F13A1: variants seen among roughly 807,000 people sequenced by gnomAD.
F13A1 encodes coagulation factor XIII A chain.
Under a neutral mutation model 80.1 loss-of-function variants are expected in F13A1, and 47 were observed. That is an observed-to-expected ratio of 0.59 (90% CI 0.46 to 0.75). The LOEUF is 0.75. Ranked by LOEUF, F13A1 falls within the 30% of genes least tolerant of loss-of-function variation. F13A1 has a pLI of 0.00. For synonymous variants in F13A1, 349 were observed against 344.9 expected, an observed-to-expected ratio of 1.01 and a Z score of -0.13; for missense variants, 817 against 930.4, an observed-to-expected ratio of 0.88 and a Z score of 1.59.
At chr6:6,173,404 C>CT (rs1401906503) in intron 12 of F13A1, among the ~76,000 whole-genome samples, 22,661 of 143,286 alleles carry the variant, frequency 0.16, 2,148 homozygotes, top group Middle Eastern at 0.18. Flanking sequence ...AGCCTCCATT[C>CT]TTTTCTTTTT....
At chr6:6,161,551 T>TGTGTGTGTGTGTGTGTGTGTGTGTGAGA (rs1010361754) in intron 13 of F13A1, among the ~76,000 whole-genome samples, 1 of 146,282 alleles carries the variant, frequency 6.8e-6, no homozygotes, top group Admixed American at 6.8e-5. Context: ...TGTGTGTGTG[T>TGTGTGTGTGTGTGTGTGTGTGTGTGAGA]GAGAGAGAGA....
chr6:6,264,958 G>T (rs1757824006), intron 4 of F13A1, among the ~76,000 whole-genome samples: 1 of 152,110 alleles, frequency 6.6e-6, no homozygotes, highest in African/African-American at 2.4e-5. Context: ...AACACTAGTG[G>T]AACAGGTAAT....
At chr6:6,190,500 T>A (rs34734835) in intron 10 of F13A1, among the ~76,000 whole-genome samples, 1 of 144,746 alleles carries the variant, frequency 6.9e-6, no homozygotes, top group African/African-American at 2.5e-5. Flanking sequence ...GTGTCAGTGT[T>A]CCCCTGCTGG....
intron 11 of F13A1, among the ~76,000 whole-genome samples, chr6:6,179,768 G>A (rs1042417314): frequency 5.6e-4 from 85 of 152,102 alleles, no homozygotes; most frequent in Non-Finnish European, 3.4e-4. Context: ...TCTTCTAGTT[G>A]GACCAGACCT....
At chr6:6,169,009 G>T (rs1471688716) in intron 12 of F13A1, among the ~76,000 whole-genome samples, 1 of 152,204 alleles carries the variant, frequency 6.6e-6, no homozygotes, top group Non-Finnish European at 1.5e-5. Context: ...GCTGTGCCTT[G>T]CTTCCAGGAC....
Position 6,151,829 on chromosome 6 carries a change from T to C in F13A1, c.2029A>G (p.Met677Val), listed in dbSNP as rs371964182. Residue 677 changes from methionine to valine, a missense_variant, in exon 14 of 15, where the codon ATG becomes GTG. Met to Val is a conservative substitution (Grantham distance 21). Transcript: ENST00000264870. Reference protein sequence around the residue: ...HLDGPGVTRPMKKMFREIRPN... With the variant: ...HLDGPGVTRPVKKMFREIRPN... ...AAGGTTTACCGGAACATCTTCTTCATTGGTCTTGTTACTCCAGGACCATCC... is the reference window on the plus strand; with the variant it reads ...AAGGTTTACCGGAACATCTTCTTCACTGGTCTTGTTACTCCAGGACCATCC... The C allele has an allele frequency of 3.7e-5, 59 of 1,613,998 alleles. No homozygotes were observed. The Middle Eastern group carries it at 4.9e-4, about 13-fold the overall frequency.
chr6:6,151,370 A>T (rs2151068260), intron 14 of F13A1, among the ~76,000 whole-genome samples: 1 of 152,314 alleles, frequency 6.6e-6, no homozygotes, highest in Non-Finnish European at 1.5e-5. Flanking sequence ...AAAAGGGGGT[A>T]TCTCTCAGCA....
intron 4 of F13A1, among the ~76,000 whole-genome samples, chr6:6,257,226 C>T (rs1757714796): frequency 6.6e-6 from 1 of 152,108 alleles, no homozygotes; most frequent in Non-Finnish European, 1.5e-5. Context: ...ATATGTTTTT[C>T]CATCACAAAG....
At chr6:6,221,340 G>T (rs1293072065) in intron 8 of F13A1, among the ~76,000 whole-genome samples, 1 of 152,084 alleles carries the variant, frequency 6.6e-6, no homozygotes, top group African/African-American at 2.4e-5. Flanking sequence ...CCCCACAGCT[G>T]GTTTTGGGGA....
intron 6 of F13A1, among the ~76,000 whole-genome samples, chr6:6,240,947 A>C (rs1029727791): frequency 6.6e-6 from 1 of 152,144 alleles, no homozygotes; most frequent in Non-Finnish European, 1.5e-5. Flanking sequence ...GTAATTTAGT[A>C]CTTTACTCTG....
intron 6 of F13A1, among the ~76,000 whole-genome samples, chr6:6,229,085 T>C (rs1366855390): frequency 6.6e-6 from 1 of 152,218 alleles, no homozygotes; most frequent in East Asian, 1.9e-4. Flanking sequence ...CAAATTGTAG[T>C]TCAGAAGTGA....
At chr6:6,266,439 T>C in intron 4 of F13A1, 119 bp downstream of exon 4, 2 of 1,492,564 alleles carry the variant, frequency 1.3e-6, no homozygotes, top group Non-Finnish European at 1.9e-6. Context: ...CTCAAACTCC[T>C]GGCCTCAAGC....
At chr6:6,298,656 T>C (rs1758369919) in intron 3 of F13A1, among the ~76,000 whole-genome samples, 3 of 149,740 alleles carry the variant, frequency 2.0e-5, no homozygotes, top group African/African-American at 7.7e-5. Context: ...GCATGTGAGA[T>C]GGGTTTCCTG....
rs1288386392 is a variant in F13A1 at position 6,162,122 on chromosome 6, A to G, written c.1908+5336T>C. The stretch of plus-strand genomic sequence containing the variant: ...AGAGCAGAGTTGACAATCATGTTAC[A>G]TTCCCACTCTAGAAACTCCCTTGAA... On this transcript the variant is annotated intron_variant, in intron 13 of 14. Transcript: ENST00000264870. The surrounding 1 kb of genome is among the most constrained non-coding windows in gnomAD (Gnocchi z 4.2). Among the ~76,000 whole-genome samples, 2 of 152,182 alleles carry G rather than the reference A, an allele frequency of 1.3e-5. No homozygotes were observed. Among genetic ancestry groups the G allele is most frequent in the African/African-American group, 4.8e-5 (2 of 41,440 alleles).
chr6:6,190,799 A>T (rs1187091549), intron 10 of F13A1, among the ~76,000 whole-genome samples: 18 of 152,062 alleles, frequency 1.2e-4, no homozygotes, highest in Admixed American at 1.0e-3. Context: ...AAGCCTGGGC[A>T]ATGGTGGGCG....
chr6:6,183,353 G>T (rs1048869210), intron 10 of F13A1, among the ~76,000 whole-genome samples: 5 of 152,150 alleles, frequency 3.3e-5, no homozygotes, highest in African/African-American at 1.2e-4. Flanking sequence ...CTCAGTAAAT[G>T]TTATTGATAA....
intron 8 of F13A1, among the ~76,000 whole-genome samples, chr6:6,197,709 C>A (rs986564952): frequency 2.4e-4 from 37 of 151,522 alleles, no homozygotes; most frequent in African/African-American, 9.0e-4. Flanking sequence ...AAATCCTGTG[C>A]ATATGCTATC....
chr6:6,149,293 A>C (rs1305307426), intron 14 of F13A1, among the ~76,000 whole-genome samples: 1 of 152,238 alleles, frequency 6.6e-6, no homozygotes, highest in Non-Finnish European at 1.5e-5. Flanking sequence ...ATTATACAAC[A>C]TATATATGTA....
intron 3 of F13A1, among the ~76,000 whole-genome samples, chr6:6,295,325 C>A (rs1486353584): frequency 6.7e-6 from 1 of 148,710 alleles, no homozygotes; most frequent in Admixed American, 6.6e-5. Context: ...GCCACACTGA[C>A]TTCCACAATG....
Sources: allele counts gnomAD v4.1 joint callset (sites outside exome capture counted in the v4.1 genomes callset), GRCh38; gene constraint gnomAD v4.1.1; non-coding constraint Gnocchi (gnomAD v3.1); transcripts MANE v1.5; gene names NCBI Gene and HGNC (gene_info 2026-07-23, HGNC 2026-07-21).